FBXO40: variants seen among roughly 807,000 people sequenced by gnomAD.
FBXO40 encodes the protein F-box only protein 40.
Under a neutral mutation model 49.9 loss-of-function variants are expected in FBXO40, and 50 were observed. That is an observed-to-expected ratio of 1.00 (90% confidence interval 0.80 to 1.27). The LOEUF (loss-of-function observed/expected upper bound fraction) is 1.27, where lower values mean the gene tolerates loss of function less well. Ranked by LOEUF, FBXO40 falls within the 50% of genes most tolerant of loss-of-function variation. FBXO40 has a pLI of 0.00. For missense variants in FBXO40, 895 were observed against 870.1 expected (o/e 1.03, Z -0.36); for synonymous variants, 340 against 320.2 (o/e 1.06, Z -0.66).
At position 121,621,564 on chromosome 3, in the gene FBXO40, C is replaced by A; in HGVS notation, c.135C>A (p.Thr45=). The A allele has an allele frequency of 6.2e-7, 1 of 1,614,222 alleles. No individual in the cohort carries two copies. Among genetic ancestry groups the A allele is most frequent in the East Asian group, 2.2e-5 (1 of 44,878 alleles). The change falls in exon 3 of 4, where the codon ACC becomes ACA. Residue 45 remains threonine, a synonymous_variant. Coordinates refer to ENST00000338040, the MANE Select transcript of FBXO40 (RefSeq NM_016298.4). ...GCTGCCACCTGCTCTGTGGTGCCAC[C>A]TTCCACATGTGCAAAGAGGCAGAGC... ...VISCHLLCGA[T]FHMCKEAEHQ...
chr3:121,625,687 C>T (rs2049058301), intron 3 of FBXO40, among the ~76,000 whole-genome samples: 1 of 152,210 alleles, frequency 6.6e-6, no homozygotes, highest in Non-Finnish European at 1.5e-5. Flanking sequence ...TCAATGATGA[C>T]TGACCACTCT....
At chr3:121,611,324 T>TAGG (rs1264966151) in intron 1 of FBXO40, among the ~76,000 whole-genome samples, 1 of 152,146 alleles carries the variant, frequency 6.6e-6, no homozygotes, top group East Asian at 1.9e-4. Flanking sequence ...AGGAATGTAG[T>TAGG]AGGAGGGCAA....
At position 121,622,833 on chromosome 3, in the gene FBXO40, C is replaced by T. The variant is rs762614859; in HGVS notation, c.1404C>T (p.His468=). The T allele has an allele frequency of 1.2e-6, 2 of 1,614,082 alleles. No homozygotes were observed. Among genetic ancestry groups the T allele is most frequent in the African/African-American group, 2.7e-5 (2 of 74,918 alleles). The change falls in exon 3 of 4, where the codon CAC becomes CAT. Residue 468 remains histidine (H), a synonymous_variant. Transcript: ENST00000338040. The part of the protein sequence containing the change: ...ELHSECVTRR[H]NKSSSAFTFT... ...ACAGCGAGTGTGTGACCAGGAGACA[C>T]AACAAAAGCAGCTCTGCCTTCACTT...
At chr3:121,612,797 C>A (rs1038537695) in intron 1 of FBXO40, among the ~76,000 whole-genome samples, 1 of 151,986 alleles carries the variant, frequency 6.6e-6, no homozygotes, top group Non-Finnish European at 1.5e-5. Context: ...CAGCCGGGCG[C>A]GGTGGCTCAC....
In FBXO40 at chr3:121,621,957, G is replaced by A. The variant is rs780300146; in HGVS notation, c.528G>A (p.Val176=). The A allele has an allele frequency of 4.3e-6, 7 of 1,614,182 alleles. No individual in the cohort carries two copies. The highest frequency in any genetic ancestry group is 5.9e-6 in the Non-Finnish European group (7 of 1,180,036). ...VEEMGGAVGG[V]DIGLVPHGLS... ...AAATGGGAGGAGCAGTGGGTGGAGT[G>A]GATATCGGTTTGGTACCACATGGTC... Residue 176 remains valine (V), a synonymous_variant, in exon 3 of 4, where the codon GTG becomes GTA. Coordinates refer to ENST00000338040, the MANE Select transcript of FBXO40 (RefSeq NM_016298.4).
intron 1 of FBXO40, among the ~76,000 whole-genome samples, chr3:121,596,918 C>T (rs1003162137): frequency 5.4e-4 from 82 of 152,210 alleles, no homozygotes; most frequent in African/African-American, 1.3e-3. Flanking sequence ...TCAATGTTCT[C>T]GTTGACTGAG....
Position 121,627,816 on chromosome 3 carries a change from C to A in FBXO40, c.*906C>A, listed in dbSNP as rs1689127491. ...CACTAATGCCAACCTCAGCGTCATG[C>A]CAGAATGCACAGGGCAGCCCAGGGA... On this transcript the variant is annotated 3_prime_UTR_variant, in exon 4 of 4. Transcript: ENST00000338040. 5.0e-6 allele frequency: 2 copies of A among 398,534 alleles called. No homozygotes were observed. Among genetic ancestry groups the A allele is most frequent in the Non-Finnish European group, 8.8e-6 (2 of 226,104 alleles). The allele number at this position is 398,534 out of a possible 1,614,324, so 24.7% of individuals were successfully genotyped here. A position where few individuals can be genotyped will look rare whatever the true frequency, so the allele number is the denominator to read the frequency against.
At chr3:121,617,662 A>G (rs759247916) in intron 1 of FBXO40, among the ~76,000 whole-genome samples, 1 of 152,136 alleles carries the variant, frequency 6.6e-6, no homozygotes, top group Non-Finnish European at 1.5e-5. Flanking sequence ...TTGATAATAC[A>G]GTAGAAAAAT....
chr3:121,624,703 A>T (rs1334608281), intron 3 of FBXO40, among the ~76,000 whole-genome samples: 1 of 152,030 alleles, frequency 6.6e-6, no homozygotes, highest in Non-Finnish European at 1.5e-5. Context: ...CCCTCCACTG[A>T]AGGTGCCTTT....
In FBXO40 at chr3:121,621,459, G is replaced by A. The variant is rs775053459; in HGVS notation, c.30G>A (p.Gly10=). The A allele has an allele frequency of 3.7e-6, 6 of 1,613,972 alleles. No homozygotes were observed. Among genetic ancestry groups the A allele is most frequent in the Non-Finnish European group, 4.2e-6 (5 of 1,179,928 alleles). The change falls in exon 3 of 4, where the codon GGG becomes GGA. Residue 10 remains glycine, a synonymous_variant. Transcript: ENST00000338040. ...GGAAAGCCCGCAGATCCCCGCCAGG[G>A]CACCACAGGCATTGTGAGGGATGCT... MGKARRSPP[G]HHRHCEGCFN... is the part of the protein sequence containing the mutation.
rs1308144556 is a variant in FBXO40 at position 121,621,968 on chromosome 3, T to C, written c.539T>C (p.Leu180Ser). ...GGAVGGVDIG[L>S]VPHGLSATNG... ...GCAGTGGGTGGAGTGGATATCGGTT[T>C]GGTACCACATGGTCTGTCAGCAACT... The change falls in exon 3 of 4, where the codon TTG becomes TCG. Residue 180 changes from leucine to serine, a missense_variant. Physicochemically the swap from Leu to Ser is moderately radical, Grantham distance 145. Transcript: ENST00000338040. The C allele has an allele frequency of 6.2e-7, 1 of 1,614,130 alleles. No homozygotes were observed. The highest frequency in any genetic ancestry group is 1.6e-4 in the Middle Eastern group (1 of 6,062).
chr3:121,626,976 G>A lies in FBXO40; in HGVS notation c.*66G>A. The A allele has an allele frequency of 6.6e-7, 1 of 1,517,094 alleles. No individual in the cohort carries two copies. Among genetic ancestry groups the A allele is most frequent in the Non-Finnish European group, 9.1e-7 (1 of 1,099,010 alleles). 94.0% of individuals were successfully genotyped at this position (1,517,094 alleles called of 1,614,324 possible). On this transcript the variant is annotated 3_prime_UTR_variant, in exon 4 of 4. Coordinates refer to ENST00000338040, the MANE Select transcript of FBXO40 (RefSeq NM_016298.4). ...CTCGGAGTTCCTGAAGTAGGACAGA[G>A]TGTGTGGTTTTGAGGACTCCCTTCT...
chr3:121,627,773 T>C lies in FBXO40; in HGVS notation c.*863T>C. The C allele has an allele frequency of 2.5e-6, 1 of 398,582 alleles. No individual in the cohort carries two copies. Among genetic ancestry groups the C allele is most frequent in the Non-Finnish European group, 4.4e-6 (1 of 226,052 alleles). The allele number at this position is 398,582 out of a possible 1,614,324, so 24.7% of individuals were successfully genotyped here. A position where few individuals can be genotyped will look rare whatever the true frequency, so the allele number is the denominator to read the frequency against. On this transcript the variant is annotated 3_prime_UTR_variant, in exon 4 of 4. Coordinates refer to ENST00000338040, the MANE Select transcript of FBXO40 (RefSeq NM_016298.4). The stretch of plus-strand genomic sequence containing the variant: ...CATGGCCCTGGGCCACCCTGTGCTA[T>C]CTGAAATGACCTCAATACACTAATG...
At chr3:121,609,752 T>C (rs916461766) in intron 1 of FBXO40, among the ~76,000 whole-genome samples, 1 of 152,170 alleles carries the variant, frequency 6.6e-6, no homozygotes, top group African/African-American at 2.4e-5. Flanking sequence ...TAAAAAGCCA[T>C]GCAAGAAAAC....
chr3:121,609,546 C>A (rs1162540051), intron 1 of FBXO40, among the ~76,000 whole-genome samples: 1 of 152,116 alleles, frequency 6.6e-6, no homozygotes, highest in Non-Finnish European at 1.5e-5. Flanking sequence ...AGGATCATTC[C>A]TTTCAAAGTC....
In FBXO40 at chr3:121,628,122, C is replaced by A; in HGVS notation, c.*1212C>A. On this transcript the variant is annotated 3_prime_UTR_variant, in exon 4 of 4. Transcript: ENST00000338040. Reference sequence around the variant, plus strand: ...CAGTAGAAACTGGCATCCCCTAAAGCAGGGCTTCTTAGCCTTGGAACTATT... The same window carrying A: ...CAGTAGAAACTGGCATCCCCTAAAGAAGGGCTTCTTAGCCTTGGAACTATT... The A allele has an allele frequency of 2.5e-6, 1 of 394,306 alleles. No homozygotes were observed. 24.4% of individuals were successfully genotyped at this position (394,306 alleles called of 1,614,324 possible). A position where few individuals can be genotyped will look rare whatever the true frequency, so the allele number is the denominator to read the frequency against.
intron 1 of FBXO40, among the ~76,000 whole-genome samples, chr3:121,607,561 G>A (rs965733752): frequency 3.3e-5 from 5 of 151,976 alleles, no homozygotes; most frequent in South Asian, 2.1e-4. Context: ...CGCCCACCTC[G>A]GCCTCCCAAA....
intron 1 of FBXO40, among the ~76,000 whole-genome samples, chr3:121,603,863 C>T (rs1247389296): frequency 6.6e-6 from 1 of 152,190 alleles, no homozygotes; most frequent in Non-Finnish European, 1.5e-5. Flanking sequence ...GGACTAAAGG[C>T]ATGTGCCACC....
chr3:121,595,971 G>A lies in FBXO40; in HGVS notation c.-31+2469G>A, dbSNP rs1218109707. Reference sequence around the variant, plus strand: ...GTTTAGTTACTGACATCATGTGAGGGGTGCTGAGAGGGCCCCTTGCCTAAA... The same window carrying A: ...GTTTAGTTACTGACATCATGTGAGGAGTGCTGAGAGGGCCCCTTGCCTAAA... On this transcript the variant is annotated intron_variant, in intron 1 of 3. Coordinates refer to ENST00000338040, the MANE Select transcript of FBXO40 (RefSeq NM_016298.4). 2.6e-5 allele frequency among the ~76,000 whole-genome samples: 4 copies of A among 152,114 alleles called. No homozygotes were observed. The East Asian group carries it at 7.7e-4, about 29-fold the overall frequency.
Sources: gnomAD v4.1 joint callset for allele counts (sites outside exome capture counted in the v4.1 genomes callset) on GRCh38, gnomAD v4.1.1 for gene constraint, MANE v1.5 for transcripts, NCBI Gene and HGNC (gene_info 2026-07-23, HGNC 2026-07-21) for gene names.